Variants in OTOP1 observed in about 807,000 individuals in gnomAD.
OTOP1 encodes the protein proton channel OTOP1.
In OTOP1, 59 loss-of-function variants were observed where a neutral mutation model predicts 52.9. That is an observed-to-expected ratio of 1.12 (90% confidence interval 0.91 to 1.39). The LOEUF is 1.39. Among genes scored for constraint, OTOP1 ranks in the 40% most tolerant of loss-of-function variants. The pLI is 0.00. For synonymous variants in OTOP1, 317 were observed against 337.7 expected (o/e 0.94, Z 0.67); for missense variants, 761 against 800.9 (o/e 0.95, Z 0.60).
chr4:4,224,995 C>T (rs922381077), intron 1 of OTOP1, among the ~76,000 whole-genome samples: 4 of 152,210 alleles, frequency 2.6e-5, no homozygotes, highest in African/African-American at 9.6e-5. Context: ...TTGAGATCCC[C>T]ATTCTACAGA....
chr4:4,205,225 C>T (rs1304788966), intron 3 of OTOP1, among the ~76,000 whole-genome samples: 2 of 152,160 alleles, frequency 1.3e-5, no homozygotes, highest in Non-Finnish European at 2.9e-5. Context: ...GCCTGTTACA[C>T]GGTGCTTTAC....
chr4:4,216,110 TA>T (rs369336867), intron 1 of OTOP1, among the ~76,000 whole-genome samples: 114 of 149,672 alleles, frequency 7.6e-4, no homozygotes, highest in Non-Finnish European at 1.3e-3. Flanking sequence ...AAAGTATATT[TA>T]AAAAAAAAAT....
At chr4:4,218,086 T>C (rs547380211) in intron 1 of OTOP1, among the ~76,000 whole-genome samples, 3 of 152,286 alleles carry the variant, frequency 2.0e-5, no homozygotes, top group Non-Finnish European at 4.4e-5. Flanking sequence ...TTCTATTAAC[T>C]ATCTCTACAA....
At chr4:4,206,680 T>C (rs1293417458) in intron 2 of OTOP1, among the ~76,000 whole-genome samples, 3 of 152,218 alleles carry the variant, frequency 2.0e-5, no homozygotes, top group Non-Finnish European at 2.9e-5. Context: ...GGGTGCTATA[T>C]AGTATCAGAC....
In OTOP1 at chr4:4,226,834, G is replaced by T; in HGVS notation, c.31C>A (p.Pro11Thr). 2 of 1,348,514 alleles carry T rather than the reference G, an allele frequency of 1.5e-6. No homozygotes were observed. The highest frequency in any genetic ancestry group is 1.9e-6 in the Non-Finnish European group (2 of 1,055,878). The allele number at this position is 1,348,514 out of a possible 1,614,324, so 83.5% of individuals were successfully genotyped here. MLEGLGSPAS[P>T]RAAASASVAG... Reference sequence around the variant, plus strand: ...ACCGAGGCGCTTGCAGCTGCCCGGGGCGAGGCGGGCGACCCCAGGCCCTCG... The same window carrying T: ...ACCGAGGCGCTTGCAGCTGCCCGGGTCGAGGCGGGCGACCCCAGGCCCTCG... Residue 11 changes from proline to threonine, a missense_variant, in exon 1 of 6, where the codon CCC becomes ACC. Around this residue, in one of 3 missense-constraint regions of OTOP1, gnomAD observed 73 missense variants for 75.7 expected, o/e 0.96. Coordinates refer to ENST00000296358, the MANE Select transcript of OTOP1 (RefSeq NM_177998.3).
intron 2 of OTOP1, among the ~76,000 whole-genome samples, chr4:4,211,161 C>T (rs1717017800): frequency 6.6e-6 from 1 of 152,204 alleles, no homozygotes. Flanking sequence ...TAGAGAAACA[C>T]TCTAAGGTCA....
At chr4:4,205,063 C>T (rs545962746) in intron 3 of OTOP1, among the ~76,000 whole-genome samples, 10 of 152,290 alleles carry the variant, frequency 6.6e-5, no homozygotes, top group African/African-American at 1.4e-4. Context: ...TGAGCCACCG[C>T]GCCCAGTCCT....
chr4:4,207,444 T>C (rs947547883), intron 2 of OTOP1, among the ~76,000 whole-genome samples: 10 of 152,214 alleles, frequency 6.6e-5, no homozygotes, highest in Admixed American at 1.3e-4. Context: ...ATAAAAACAA[T>C]AGCAAATGCT....
chr4:4,211,897 A>G (rs1237159538), intron 2 of OTOP1, among the ~76,000 whole-genome samples: 6 of 152,230 alleles, frequency 3.9e-5, no homozygotes, highest in African/African-American at 1.4e-4. Flanking sequence ...CTAGAGACGT[A>G]ATGGACAACG....
At chr4:4,192,768 T>C (rs1716541818) in intron 5 of OTOP1, among the ~76,000 whole-genome samples, 2 of 152,146 alleles carry the variant, frequency 1.3e-5, no homozygotes, top group South Asian at 4.1e-4. Flanking sequence ...GAGGGTGTTA[T>C]GATGAGTGAA....
intron 3 of OTOP1, among the ~76,000 whole-genome samples, chr4:4,204,218 G>C (rs143308897): frequency 2.5e-3 from 380 of 152,234 alleles, no homozygotes; most frequent in Non-Finnish European, 4.6e-3. Flanking sequence ...AGCACAATTG[G>C]AGAAGGAAAC....
At chr4:4,224,782 A>G (rs1717387726) in intron 1 of OTOP1, among the ~76,000 whole-genome samples, 1 of 152,358 alleles carries the variant, frequency 6.6e-6, no homozygotes, top group East Asian at 1.9e-4. Flanking sequence ...AATATCCAAC[A>G]GTCATAATAC....
chr4:4,219,467 C>T (rs925951336), intron 1 of OTOP1, among the ~76,000 whole-genome samples: 23 of 151,910 alleles, frequency 1.5e-4, no homozygotes, highest in South Asian at 4.2e-4. Context: ...TTTGGGAGGC[C>T]GAGGCGGGCG....
rs565268965 is a variant in OTOP1 at position 4,218,798 on chromosome 4, G to A, written c.404-5794C>T. 2.2e-4 allele frequency among the ~76,000 whole-genome samples: 33 copies of A among 151,648 alleles called. No homozygotes were observed. The South Asian group carries it at 6.8e-3, about 31-fold the overall frequency. On this transcript the variant is annotated intron_variant, in intron 1 of 5. Coordinates refer to ENST00000296358, the MANE Select transcript of OTOP1 (RefSeq NM_177998.3). Reference sequence around the variant, plus strand: ...CAAAACATTTGCCCAGTGTGGTGATGGGCACCTGTAGTCCCAGCTACTTAG... The same window carrying A: ...CAAAACATTTGCCCAGTGTGGTGATAGGCACCTGTAGTCCCAGCTACTTAG...
intron 4 of OTOP1, among the ~76,000 whole-genome samples, chr4:4,199,086 G>T (rs1716717435): frequency 6.6e-6 from 1 of 152,084 alleles, no homozygotes; most frequent in Admixed American, 6.6e-5. Context: ...CTGCTTGGGA[G>T]GCTGAGGCAG....
At chr4:4,194,860 CCTTT>C (rs1716588221) in intron 5 of OTOP1, among the ~76,000 whole-genome samples, 1 of 152,192 alleles carries the variant, frequency 6.6e-6, no homozygotes, top group African/African-American at 2.4e-5. Flanking sequence ...CACCATCCTT[CCTTT>C]ATGTGTCTTT....
Position 4,226,714 on chromosome 4 carries a change from C to G in OTOP1, c.151G>C (p.Ala51Pro), listed in dbSNP as rs1448304030. The change falls in exon 1 of 6, where the codon GCC becomes CCC. Residue 51 changes from alanine (A) to proline (P), a missense_variant. This residue lies in a region of OTOP1 where 56 missense variants were observed against 105.6 expected (regional missense o/e 0.53). Coordinates refer to ENST00000296358, the MANE Select transcript of OTOP1 (RefSeq NM_177998.3). Reference sequence around the variant, plus strand: ...TCGGCCAGTTTCTGTGGGACGCTGGCGCGCACACCGCCCCGCCGGGGGGCC... The same window carrying G: ...TCGGCCAGTTTCTGTGGGACGCTGGGGCGCACACCGCCCCGCCGGGGGGCC... ...SPAPRRGGVR[A>P]SVPQKLAEML... 2.8e-6 allele frequency: 4 copies of G among 1,423,930 alleles called. No homozygotes were observed. Among genetic ancestry groups the G allele is most frequent in the Admixed American group, 3.0e-5 (1 of 33,678 alleles). 88.2% of individuals were successfully genotyped at this position (1,423,930 alleles called of 1,614,324 possible).
intron 1 of OTOP1, among the ~76,000 whole-genome samples, chr4:4,224,215 C>T (rs1057235010): frequency 2.6e-5 from 4 of 151,678 alleles, no homozygotes; most frequent in Non-Finnish European, 5.9e-5. Flanking sequence ...GGCATAGTTG[C>T]AGGCGCCTAT....
At position 4,205,660 on chromosome 4, in the gene OTOP1, G is replaced by A. The variant is rs73792862; in HGVS notation, c.599+412C>T. Among the ~76,000 whole-genome samples, 1,484 of 152,278 alleles carry A rather than the reference G, an allele frequency of 9.7e-3. 30 individuals are homozygous for A. The highest frequency in any genetic ancestry group is 0.034 in the African/African-American group (1,415 of 41,544). On this transcript the variant is annotated intron_variant, in intron 3 of 5. Transcript: ENST00000296358. ...AACTTAAGTCCCTCCCACATCATGG[G>A]CACACAGCAAGTGTCAATAAACTCC...
Sources: gnomAD v4.1 joint callset for allele counts (sites outside exome capture counted in the v4.1 genomes callset) on GRCh38, gnomAD v4.1.1 for gene constraint, gnomAD v4.1.1 regional missense constraint, MANE v1.5 for transcripts, NCBI Gene and HGNC (gene_info 2026-07-23, HGNC 2026-07-21) for gene names.